SHANK2: variants seen among roughly 807,000 people sequenced by gnomAD.
SHANK2 encodes the protein SH3 and multiple ankyrin repeat domains 2.
SHANK2 carries 43 observed loss-of-function variants against 133.7 expected under a neutral mutation model. The ratio of observed to expected loss-of-function variants is 0.32; its 90% CI spans 0.25 to 0.41. The LOEUF (loss-of-function observed/expected upper bound fraction) is 0.41. Among genes scored for constraint, SHANK2 ranks in the 10% least tolerant of loss-of-function variants. The probability of loss-of-function intolerance (pLI) is 1.00; values close to 1 mark genes in which losing one functional copy is unlikely to be tolerated. For missense variants in SHANK2, 1,994 were observed against 2,235.8 expected, an observed-to-expected ratio of 0.89 and a Z score of 2.18; for synonymous variants, 1,017 against 952.8, an observed-to-expected ratio of 1.07 and a Z score of -1.24.
At chr11:71,180,485 C>T (rs1378980614) in intron 2 of SHANK2, among the ~76,000 whole-genome samples, 4 of 152,138 alleles carry the variant, frequency 2.6e-5, no homozygotes, top group South Asian at 2.1e-4. Context: ...AAGTTCCTTA[C>T]CCTGTGCCCA....
chr11:70,610,727 C>G (rs535295034), intron 17 of SHANK2, among the ~76,000 whole-genome samples: 1 of 152,226 alleles, frequency 6.6e-6, no homozygotes, highest in Admixed American at 6.5e-5. Context: ...GAGCACAGAA[C>G]ACGGCATGGG....
chr11:70,661,703 C>T (rs2061493510), intron 15 of SHANK2, 25 bp from the exon 16 acceptor site: 1 of 1,614,088 alleles, frequency 6.2e-7, no homozygotes, highest in Non-Finnish European at 8.5e-7. Flanking sequence ...CCGGGGACAG[C>T]GACCATTATT....
At chr11:70,770,114 G>A (rs557173589) in intron 14 of SHANK2, among the ~76,000 whole-genome samples, 1 of 152,376 alleles carries the variant, frequency 6.6e-6, no homozygotes, top group East Asian at 1.9e-4. Flanking sequence ...CTGAGGGGAA[G>A]ATGAATACCC....
At position 70,954,981 on chromosome 11, in the gene SHANK2, C is replaced by A. The variant is rs571295671; in HGVS notation, c.1108-58414G>T. 6.1e-4 allele frequency among the ~76,000 whole-genome samples: 93 copies of A among 152,336 alleles called. No homozygotes were observed. In the Middle Eastern group the frequency reaches 0.01, roughly 17 times the overall value. ...GCTCAGCACAGGACTAGGCAGGGTG[C>A]CCCCATGCACTGAAAGGTACCCAAA... On this transcript the variant is annotated intron_variant, in intron 10 of 25. Transcript: ENST00000601538.
At chr11:70,788,854 C>T (rs939001403) in intron 14 of SHANK2, among the ~76,000 whole-genome samples, 6 of 152,298 alleles carry the variant, frequency 3.9e-5, no homozygotes, top group South Asian at 2.1e-4. Context: ...AGAGGAGCAA[C>T]GCACTGCTCT....
At chr11:70,631,409 C>CACACACA (rs1555002114) in intron 17 of SHANK2, among the ~76,000 whole-genome samples, 1 of 103,900 alleles carries the variant, frequency 9.6e-6, no homozygotes, top group African/African-American at 2.8e-5. Context: ...CACACACACA[C>CACACACA]CCACACAACC....
intron 14 of SHANK2, among the ~76,000 whole-genome samples, chr11:70,727,181 T>C (rs1449256471): frequency 1.3e-5 from 2 of 152,264 alleles, no homozygotes; most frequent in African/African-American, 4.8e-5. Flanking sequence ...AAAATGGAGA[T>C]GACAAATCTT....
intron 11 of SHANK2, among the ~76,000 whole-genome samples, chr11:70,886,329 C>T (rs78087631): frequency 0.091 from 13,789 of 152,210 alleles, 1,465 homozygotes; most frequent in African/African-American, 0.26. Context: ...TGCTGCAGAA[C>T]GCTAAGTAAA....
intron 2 of SHANK2, among the ~76,000 whole-genome samples, chr11:71,200,289 T>G (rs1264001419): frequency 6.6e-6 from 1 of 152,204 alleles, no homozygotes; most frequent in Non-Finnish European, 1.5e-5. Flanking sequence ...GTAGTCCTCA[T>G]CCGTAATCCA....
At chr11:70,679,045 GGAA>G (rs1229440089) in intron 15 of SHANK2, among the ~76,000 whole-genome samples, 7 of 152,140 alleles carry the variant, frequency 4.6e-5, no homozygotes, top group Admixed American at 1.3e-4. Flanking sequence ...CACATGACTG[GGAA>G]GAAGAAGACA....
At chr11:71,245,360 T>C (rs1555124835) in intron 1 of SHANK2, among the ~76,000 whole-genome samples, 2 of 152,236 alleles carry the variant, frequency 1.3e-5, no homozygotes, top group South Asian at 4.1e-4. Flanking sequence ...ATGAGTTTAT[T>C]ACTATTTTTA....
chr11:70,747,772 C>T (rs1399482150), intron 14 of SHANK2, among the ~76,000 whole-genome samples: 1 of 152,176 alleles, frequency 6.6e-6, no homozygotes, highest in Non-Finnish European at 1.5e-5. Context: ...TGCATGTATG[C>T]CACATGGTAC....
rs76960429 is a variant in SHANK2, at chr11:70,895,020, C to T, written c.1174+1481G>A. Among the ~76,000 whole-genome samples the T allele has an allele frequency of 1.6e-3, 251 of 152,340 alleles. 8 individuals carry two copies. In the East Asian group the frequency reaches 0.03, roughly 18 times the overall value. On this transcript the variant is annotated intron_variant, in intron 11 of 25. Transcript: ENST00000601538. ...GACATTAACTCATCAATCTCTATAA[C>T]GCGCTCATGGAGGTGCTGAGGCAGC...
intron 14 of SHANK2, among the ~76,000 whole-genome samples, chr11:70,786,820 T>A (rs1483871078): frequency 6.6e-6 from 1 of 152,148 alleles, no homozygotes; most frequent in African/African-American, 2.4e-5. Flanking sequence ...TTGACTAGCA[T>A]CATCCCTTTA....
At chr11:70,517,128 C>G (rs1468761591) in intron 17 of SHANK2, among the ~76,000 whole-genome samples, 1 of 152,140 alleles carries the variant, frequency 6.6e-6, no homozygotes, top group Admixed American at 6.5e-5. Context: ...AATAAATGCT[C>G]CACATCATGT....
In SHANK2 at chr11:71,065,939, G is replaced by A. The variant is rs1246557278; in HGVS notation, c.1029+9220C>T. ...GGTGAGTGGGGAAGTTGGTGGGGGC[G>A]GGGTACAGAAGTCTCCCAGGGAGAT... is the stretch of plus-strand genomic sequence containing the variant. On this transcript the variant is annotated intron_variant, in intron 9 of 25. Coordinates refer to ENST00000601538, the MANE Select transcript of SHANK2 (RefSeq NM_012309.5). 1.8e-3 allele frequency among the ~76,000 whole-genome samples: 170 copies of A among 96,106 alleles called. 4 individuals carry two copies. Among genetic ancestry groups the A allele is most frequent in the Middle Eastern group, 7.9e-3 (1 of 126 alleles). The allele number at this position is 96,106 out of a possible 152,430, so 63.0% of individuals were successfully genotyped here.
chr11:70,473,400 G>A lies in SHANK2; in HGVS notation c.5019C>T (p.Ser1673=). The A allele has an allele frequency of 6.2e-7, 1 of 1,608,212 alleles. No individual in the cohort carries two copies. Among genetic ancestry groups the A allele is most frequent in the Non-Finnish European group, 8.5e-7 (1 of 1,179,968 alleles). Residue 1673 remains serine, a synonymous_variant, in exon 26 of 26, where the codon AGC becomes AGT. Coordinates refer to ENST00000601538, the MANE Select transcript of SHANK2 (RefSeq NM_012309.5). The surrounding 1 kb of genome is among the most constrained non-coding windows in gnomAD (Gnocchi z 5.9). ...EIMSTISGTR[S]TTVTFTVRPG... is the part of the protein sequence containing the mutation. ...GGCGAACAGTGAAGGTGACCGTCGT[G>A]CTCCGTGTACCTGAGATGGTGCTCA...
At chr11:70,726,701 G>A (rs117339581) in intron 14 of SHANK2, among the ~76,000 whole-genome samples, 3,354 of 152,318 alleles carry the variant, frequency 0.022, 67 homozygotes, top group Non-Finnish European at 0.031. Context: ...ACCCGTATGC[G>A]ATATGACTTT....
At chr11:70,723,228 T>A (rs1377607291) in intron 14 of SHANK2, among the ~76,000 whole-genome samples, 4 of 152,102 alleles carry the variant, frequency 2.6e-5, no homozygotes, top group African/African-American at 7.2e-5. Context: ...AAGATATACA[T>A]GACTTCATGC....
Sources: gnomAD v4.1 joint callset for allele counts (sites outside exome capture counted in the v4.1 genomes callset) on GRCh38, gnomAD v4.1.1 for gene constraint, Gnocchi (gnomAD v3.1) non-coding constraint, MANE v1.5 for transcripts, NCBI Gene and HGNC (gene_info 2026-07-23, HGNC 2026-07-21) for gene names.